Variants in AQR observed in about 807,000 individuals in gnomAD.
The protein encoded by AQR is RNA helicase aquarius.
AQR carries 61 observed loss-of-function variants against 180.5 expected under a neutral mutation model. The observed-to-expected ratio is 0.34, with a 90% confidence interval of 0.28 to 0.42. The LOEUF (loss-of-function observed/expected upper bound fraction) is 0.42. Among genes scored for constraint, AQR ranks in the 10% least tolerant of loss-of-function variants. The pLI is 1.00. For synonymous variants in AQR, 551 were observed against 588.8 expected (o/e 0.94, Z 0.93); for missense variants, 1,281 against 1,798.3 (o/e 0.71, Z 5.20).
chr15:34,938,152 C>T (rs1385900082), intron 9 of AQR, among the ~76,000 whole-genome samples: 2 of 152,066 alleles, frequency 1.3e-5, no homozygotes, highest in African/African-American at 2.4e-5. Context: ...TGTATCCCAG[C>T]ACCTTAGACA....
intron 27 of AQR, among the ~76,000 whole-genome samples, chr15:34,878,377 C>T (rs1892916740): frequency 8.8e-6 from 1 of 113,376 alleles, no homozygotes; most frequent in South Asian, 3.0e-4. Flanking sequence ...AAGAATGAGA[C>T]TCTGTCTCAA....
chr15:34,875,862 G>C (rs942372559), intron 28 of AQR, 73 bp downstream of exon 28: 2 of 1,224,620 alleles, frequency 1.6e-6, no homozygotes, highest in Non-Finnish European at 2.4e-6. Context: ...CACCCAAACT[G>C]TACAACTTTC....
intron 13 of AQR, among the ~76,000 whole-genome samples, chr15:34,923,388 T>C (rs1206319201): frequency 6.6e-6 from 1 of 152,158 alleles, no homozygotes; most frequent in African/African-American, 2.4e-5. Flanking sequence ...TCCTAGGCTG[T>C]AGCGTGTTTT....
At chr15:34,918,179 C>T in intron 15 of AQR, 79 bp downstream of exon 15, 1 of 1,468,328 alleles carries the variant, frequency 6.8e-7, no homozygotes, top group South Asian at 1.3e-5. Flanking sequence ...CTCAAGTACA[C>T]TGCCTATAAT....
At chr15:34,870,693 A>G in intron 31 of AQR, 59 bp downstream of exon 31, 1 of 1,481,934 alleles carries the variant, frequency 6.7e-7, no homozygotes, top group Non-Finnish European at 9.1e-7. Context: ...AGAACAATAT[A>G]AACCTTTCCA....
intron 22 of AQR, among the ~76,000 whole-genome samples, chr15:34,896,050 A>G (rs1007350075): frequency 6.6e-6 from 1 of 152,240 alleles, no homozygotes; most frequent in African/African-American, 2.4e-5. Flanking sequence ...CCAGAAATCA[A>G]TAACTGGAAG....
intron 34 of AQR, 152 bp downstream of exon 34, chr15:34,859,890 G>A (rs1364713912): frequency 2.4e-6 from 1 of 411,674 alleles, no homozygotes; most frequent in Non-Finnish European, 4.2e-6. Flanking sequence ...ATATAAAGAA[G>A]TTTTAAAAAT....
intron 3 of AQR, among the ~76,000 whole-genome samples, chr15:34,955,319 G>A (rs764753795): frequency 7.2e-5 from 11 of 152,038 alleles, no homozygotes; most frequent in African/African-American, 1.2e-4. Flanking sequence ...ATTTATGTAT[G>A]ATAAACTGGA....
rs576031903 is a variant in AQR at position 34,881,624 on chromosome 15, C to A, written c.3165+878G>T. Among the ~76,000 whole-genome samples the A allele has an allele frequency of 2.9e-4, 44 of 152,240 alleles. 1 individual carries two copies. The highest frequency in any genetic ancestry group is 1.1e-3 in the African/African-American group (44 of 41,548). Reference sequence around the variant, plus strand: ...CAGATTAACAGGTTATTTTGTACTCCTGTTTTTATCATATGATGAAACCAT... The same window carrying A: ...CAGATTAACAGGTTATTTTGTACTCATGTTTTTATCATATGATGAAACCAT... On this transcript the variant is annotated intron_variant, in intron 27 of 34. Coordinates refer to ENST00000156471, the MANE Select transcript of AQR (RefSeq NM_014691.3).
In AQR at chr15:34,923,156, A is replaced by G. The variant is rs1201637234; in HGVS notation, c.1119-2722T>C. Among the ~76,000 whole-genome samples the G allele has an allele frequency of 2.6e-5, 4 of 152,228 alleles. No homozygotes were observed. In the South Asian group the frequency reaches 8.3e-4, roughly 32 times the overall value. On this transcript the variant is annotated intron_variant, in intron 13 of 34. Coordinates refer to ENST00000156471, the MANE Select transcript of AQR (RefSeq NM_014691.3). ...TTGTTATAACTGTTCTCTTATTATT[A>G]TTGTTGTTAATCTCTTACTGTGCCT... is the stretch of plus-strand genomic sequence containing the variant.
rs564428730 is a variant in AQR at position 34,910,391 on chromosome 15, G to A, written c.1485-78C>T. ...CTTTTAGACAAGTTAAAACTAGTAA[G>A]TAGGAATACTGTTCAGCTAGTATTT... On this transcript the variant is annotated intron_variant, in intron 16 of 34. Coordinates refer to ENST00000156471, the MANE Select transcript of AQR (RefSeq NM_014691.3). The A allele has an allele frequency of 4.1e-6, 6 of 1,462,104 alleles. No homozygotes were observed. The East Asian group carries it at 1.2e-4, about 28-fold the overall frequency. The allele number at this position is 1,462,104 out of a possible 1,614,324, so 90.6% of individuals were successfully genotyped here. A position where few individuals can be genotyped will look rare whatever the true frequency, so the allele number is the denominator to read the frequency against.
At chr15:34,904,632 A>C in intron 18 of AQR, 127 bp from the exon 19 acceptor site, 1 of 822,716 alleles carries the variant, frequency 1.2e-6, no homozygotes, top group Non-Finnish European at 1.8e-6. Flanking sequence ...ATTCTTCCCA[A>C]AGTAGAATGC....
intron 16 of AQR, among the ~76,000 whole-genome samples, chr15:34,912,210 T>C (rs1436155484): frequency 1.3e-5 from 2 of 152,178 alleles, no homozygotes; most frequent in African/African-American, 4.8e-5. Flanking sequence ...AAGTATGATG[T>C]CTCCAGCTTT....
chr15:34,882,900 T>C (rs1892996874), intron 26 of AQR, among the ~76,000 whole-genome samples: 1 of 152,168 alleles, frequency 6.6e-6, no homozygotes, highest in African/African-American at 2.4e-5. Flanking sequence ...TAAAATTCAG[T>C]GATCATTGTA....
chr15:34,966,374 G>A (rs1359988985), intron 1 of AQR, among the ~76,000 whole-genome samples: 1 of 152,148 alleles, frequency 6.6e-6, no homozygotes, highest in East Asian at 1.9e-4. Flanking sequence ...CCTCTACCTA[G>A]AAAACCAATT....
rs981849148 is a variant in AQR, at chr15:34,900,615, A to C, written c.2243+7T>G. 6.2e-7 allele frequency: 1 copy of C among 1,612,698 alleles called. No homozygotes were observed. Among genetic ancestry groups the C allele is most frequent in the Non-Finnish European group, 8.5e-7 (1 of 1,179,290 alleles). Reference sequence around the variant, plus strand: ...CTGGAGAGGAGCGTACCCAGTTCTGACTTTACCTGAAAGGGGGTATTTGTA... The same window carrying C: ...CTGGAGAGGAGCGTACCCAGTTCTGCCTTTACCTGAAAGGGGGTATTTGTA... On this transcript the variant is annotated splice_region_variant and intron_variant, in intron 20 of 34. Coordinates refer to ENST00000156471, the MANE Select transcript of AQR (RefSeq NM_014691.3).
intron 2 of AQR, 148 bp downstream of exon 2, chr15:34,964,086 T>C: frequency 1.6e-6 from 1 of 628,276 alleles, no homozygotes; most frequent in South Asian, 2.0e-5. Flanking sequence ...CATAAATCAT[T>C]GCTAAGTTTG....
chr15:34,889,037 T>G (rs577329538), intron 24 of AQR, among the ~76,000 whole-genome samples: 1 of 152,344 alleles, frequency 6.6e-6, no homozygotes, highest in Middle Eastern at 3.4e-3. Context: ...TCTAATATTC[T>G]TTAAAAACCA....
intron 24 of AQR, among the ~76,000 whole-genome samples, chr15:34,887,273 A>T (rs1450359640): frequency 6.6e-6 from 1 of 152,200 alleles, no homozygotes; most frequent in Non-Finnish European, 1.5e-5. Context: ...TCACAGCAAG[A>T]CACTTTCACA....
Sources: allele counts gnomAD v4.1 joint callset (sites outside exome capture counted in the v4.1 genomes callset), GRCh38; gene constraint gnomAD v4.1.1; transcripts MANE v1.5; gene names NCBI Gene and HGNC (gene_info 2026-07-23, HGNC 2026-07-21).